Variants in SGCG observed in about 807,000 individuals in gnomAD.
SGCG encodes sarcoglycan gamma.
In SGCG, 26 loss-of-function variants were observed where a neutral mutation model predicts 29.3. The observed-to-expected ratio is 0.89, with a 90% CI of 0.65 to 1.23. SGCG has a LOEUF of 1.23. Among genes scored for constraint, SGCG ranks in the 50% most tolerant of loss-of-function variants. The probability of loss-of-function intolerance (pLI) is 0.00; values close to 1 mark genes in which losing one functional copy is unlikely to be tolerated. For synonymous variants in SGCG, 145 were observed against 129.7 expected (o/e 1.12, Z -0.80); for missense variants, 353 against 356.0 (o/e 0.99, Z 0.07).
At chr13:23,242,017 G>A (rs1879533020) in intron 3 of SGCG, among the ~76,000 whole-genome samples, 1 of 152,128 alleles carries the variant, frequency 6.6e-6, no homozygotes, top group Admixed American at 6.5e-5. Context: ...AATAAAAATT[G>A]ATAAACCTTG....
the SGCG span, among the ~76,000 whole-genome samples, chr13:23,170,850 TAGCTTCTCTGCCTTCAGCCTA>T: frequency 3.9e-5 from 6 of 152,224 alleles, no homozygotes. Flanking sequence ...CATGGGAGTC[TAGCTTCTCTGCCTTCAGCCTA>T]TGACCGTGCC....
intron 6 of SGCG, among the ~76,000 whole-genome samples, chr13:23,303,279 C>T (rs1882239340): frequency 6.6e-6 from 1 of 152,218 alleles, no homozygotes; most frequent in Non-Finnish European, 1.5e-5. Flanking sequence ...TTCAGGGCAA[C>T]AGTCCTCTTC....
intron 5 of SGCG, 46 bp from the exon 6 acceptor site, chr13:23,295,369 C>A: frequency 7.5e-7 from 1 of 1,339,258 alleles, no homozygotes; most frequent in Non-Finnish European, 1.1e-6. Flanking sequence ...TGTTTGGTGT[C>A]ACTTATTTTA....
chr13:23,164,698 C>T, the SGCG span, among the ~76,000 whole-genome samples: 1 of 152,146 alleles, frequency 6.6e-6, no homozygotes, highest in South Asian at 2.1e-4. Flanking sequence ...AGAGGTGCCA[C>T]TCTGCTGTCC....
At chr13:23,212,824 C>A (rs564532562) in intron 2 of SGCG, among the ~76,000 whole-genome samples, 47 of 152,258 alleles carry the variant, frequency 3.1e-4, no homozygotes, top group African/African-American at 1.1e-3. Context: ...GTTTGGTTTG[C>A]AGACACTGCA....
At chr13:23,287,890 G>A (rs1881557721) in intron 5 of SGCG, among the ~76,000 whole-genome samples, 1 of 152,056 alleles carries the variant, frequency 6.6e-6, no homozygotes, top group African/African-American at 2.4e-5. Context: ...GAGTAGCTGA[G>A]AATACAGGCT....
intron 4 of SGCG, among the ~76,000 whole-genome samples, chr13:23,270,173 G>A (rs1386974435): frequency 1.3e-5 from 2 of 152,114 alleles, no homozygotes; most frequent in East Asian, 3.9e-4. Context: ...GTGCCCGGCT[G>A]TATTTTGTTT....
At chr13:23,245,468 A>G (rs921202370) in intron 3 of SGCG, 2 of 152,136 alleles carry the variant, frequency 1.3e-5, no homozygotes, top group African/African-American at 4.8e-5. Context: ...CTAGTTCACA[A>G]TCAAGCCTAG....
Position 23,187,876 on chromosome 13 carries a change from G to T in SGCG, c.-1+6801G>T, listed in dbSNP as rs568515167. Among the ~76,000 whole-genome samples, 10 of 152,282 alleles carry T rather than the reference G, an allele frequency of 6.6e-5. 1 individual carries two copies. In the South Asian group the frequency reaches 2.1e-3, roughly 32 times the overall value. On this transcript the variant is annotated intron_variant, in intron 1 of 7. Coordinates refer to ENST00000218867, the MANE Select transcript of SGCG (RefSeq NM_000231.3). ...CACTCGGAGAAGTGTTTTACAAATG[G>T]CATATATTTCTCTGCTGCAGATGGC...
chr13:23,187,014 T>C (rs1254509196), intron 1 of SGCG, among the ~76,000 whole-genome samples: 2 of 152,178 alleles, frequency 1.3e-5, no homozygotes, highest in Non-Finnish European at 2.9e-5. Flanking sequence ...TGTATCCAGG[T>C]TCAGCATCAG....
intron 3 of SGCG, among the ~76,000 whole-genome samples, chr13:23,248,567 G>A (rs1480043574): frequency 6.6e-6 from 1 of 150,998 alleles, no homozygotes; most frequent in African/African-American, 2.4e-5. Context: ...GGCAGCAGGC[G>A]CCTGTAGTCC....
At chr13:23,290,883 A>G (rs9550950) in intron 5 of SGCG, among the ~76,000 whole-genome samples, 34,866 of 152,112 alleles carry the variant, frequency 0.23, 4,148 homozygotes, top group South Asian at 0.38. Flanking sequence ...AAAGAATGGA[A>G]CAACTTAGAG....
rs1425113474 is a variant in SGCG at position 23,295,456 on chromosome 13, C to T, written c.547C>T (p.Leu183Phe). 15 of 1,613,910 alleles carry T rather than the reference C, an allele frequency of 9.3e-6. No homozygotes were observed. Among genetic ancestry groups the T allele is most frequent in the Middle Eastern group, 1.6e-4 (1 of 6,084 alleles). The change falls in exon 6 of 8, where the codon CTT becomes TTT. Residue 183 changes from leucine to phenylalanine, a missense_variant. Physicochemically the swap from Leu to Phe is conservative, Grantham distance 22. Coordinates refer to ENST00000218867, the MANE Select transcript of SGCG (RefSeq NM_000231.3). The stretch of plus-strand genomic sequence containing the variant: ...TTTTGAACATTCAGTGGAGACACCC[C>T]TTGTCAGAGCCGACCCGTTTCAAGA... Reference protein sequence around the residue: ...ALFEHSVETPLVRADPFQDLR... With the variant: ...ALFEHSVETPFVRADPFQDLR...
At position 23,248,676 on chromosome 13, in the gene SGCG, G is replaced by A. The variant is rs192453524; in HGVS notation, c.298-1954G>A. Among the ~76,000 whole-genome samples, 577 of 126,920 alleles carry A rather than the reference G, an allele frequency of 4.5e-3. 6 individuals carry two copies. The highest frequency in any genetic ancestry group is 0.016 in the African/African-American group (544 of 33,316). 83.3% of individuals were successfully genotyped at this position (126,920 alleles called of 152,430 possible). Reference sequence around the variant, plus strand: ...GCCACTGCACTCCAGCCTGGGCGGCGGAACTAGACTCCGTCTCAAAAAGAA... The same window carrying A: ...GCCACTGCACTCCAGCCTGGGCGGCAGAACTAGACTCCGTCTCAAAAAGAA... On this transcript the variant is annotated intron_variant, in intron 3 of 7. Coordinates refer to ENST00000218867, the MANE Select transcript of SGCG (RefSeq NM_000231.3).
At chr13:23,244,848 C>A (rs1240111389) in intron 3 of SGCG, 1 of 152,150 alleles carries the variant, frequency 6.6e-6, no homozygotes, top group Non-Finnish European at 1.5e-5. Flanking sequence ...AGGAAACATT[C>A]CTGAGGCGCC....
the SGCG span, among the ~76,000 whole-genome samples, chr13:23,166,835 C>T: frequency 2.0e-5 from 3 of 152,334 alleles, no homozygotes; most frequent in East Asian, 5.8e-4. Flanking sequence ...TATTTTGATA[C>T]AGGCATGCCA....
rs747070423 is a variant in SGCG, at chr13:23,279,528, CA to C, written c.505+55del. 2.2e-4 allele frequency: 349 copies of C among 1,572,020 alleles called. 1 individual carries two copies. The highest frequency in any genetic ancestry group is 6.2e-5 in the Non-Finnish European group (71 of 1,146,614). ...CAACATTCCATGGAGTACACATCTG[CA>C]AAAACACATTGTACTATTGACAAGT... is the stretch of plus-strand genomic sequence containing the variant. On this transcript the variant is annotated intron_variant, in intron 5 of 7. Transcript: ENST00000218867.
At chr13:23,197,591 C>G (rs1053140735) in intron 1 of SGCG, among the ~76,000 whole-genome samples, 8 of 152,158 alleles carry the variant, frequency 5.3e-5, no homozygotes, top group Admixed American at 6.5e-5. Flanking sequence ...ATGGCTTACT[C>G]TCTTATCTGA....
intron 4 of SGCG, among the ~76,000 whole-genome samples, chr13:23,252,947 A>T (rs181915108): frequency 2.0e-5 from 3 of 152,292 alleles, no homozygotes; most frequent in Admixed American, 2.0e-4. Flanking sequence ...AGCTGTTTCC[A>T]CTGGCCCTCC....
Sources: gnomAD v4.1 joint callset for allele counts (sites outside exome capture counted in the v4.1 genomes callset) on GRCh38, gnomAD v4.1.1 for gene constraint, MANE v1.5 for transcripts, NCBI Gene and HGNC (gene_info 2026-07-23, HGNC 2026-07-21) for gene names.